The following C4BPA variants were observed in gnomAD, a reference collection of about 807,000 sequenced individuals.
C4BPA encodes C4b-binding protein alpha chain.
A neutral mutation model predicts 63.7 loss-of-function variants in C4BPA; 31 were observed. The ratio of observed to expected loss-of-function variants is 0.49; its 90% confidence interval spans 0.37 to 0.66. C4BPA has a LOEUF of 0.66. Ranked by LOEUF, C4BPA falls within the 30% of genes least tolerant of loss-of-function variation. The probability of loss-of-function intolerance (pLI) is 0.00; values close to 1 mark genes in which losing one functional copy is unlikely to be tolerated. For synonymous variants in C4BPA, 259 were observed against 254.7 expected, an observed-to-expected ratio of 1.02 and a Z score of -0.16; for missense variants, 572 against 723.3, an observed-to-expected ratio of 0.79 and a Z score of 2.40.
rs371899975 is a variant in C4BPA, at chr1:207,135,182, C to T, written c.1273+590C>T. On this transcript the variant is annotated intron_variant, in intron 9 of 11. Coordinates refer to ENST00000367070, the MANE Select transcript of C4BPA (RefSeq NM_000715.4). ...CGAAACCTGGTCTCTGTTAAAAATACAAAAAATTAGCCAGGCATGGTGGCG... is the reference window on the plus strand; with the variant it reads ...CGAAACCTGGTCTCTGTTAAAAATATAAAAAATTAGCCAGGCATGGTGGCG... 3.9e-4 allele frequency among the ~76,000 whole-genome samples: 60 copies of T among 152,026 alleles called. 1 individual carries two copies. In the South Asian group the frequency reaches 0.011, roughly 29 times the overall value.
chr1:207,110,526 A>C (rs1054323511), intron 1 of C4BPA, among the ~76,000 whole-genome samples: 2 of 152,208 alleles, frequency 1.3e-5, no homozygotes, highest in African/African-American at 4.8e-5. Flanking sequence ...ATGGTGGCTT[A>C]TGCCTGTAAT....
rs762140431 is a variant in C4BPA, at chr1:207,144,541, T to C, written c.1621-3T>C. ...AATCACACCCACCACTTATATCTTTTAGGAGACCCCCGAAGGCTGTGAACA... is the reference window on the plus strand; with the variant it reads ...AATCACACCCACCACTTATATCTTTCAGGAGACCCCCGAAGGCTGTGAACA... On this transcript the variant is annotated splice_polypyrimidine_tract_variant and splice_region_variant and intron_variant, in intron 11 of 11. Transcript: ENST00000367070. The C allele has an allele frequency of 6.2e-7, 1 of 1,600,366 alleles. No homozygotes were observed. Among genetic ancestry groups the C allele is most frequent in the Non-Finnish European group, 8.5e-7 (1 of 1,175,008 alleles).
chr1:207,126,959 C>A (rs887357261), intron 7 of C4BPA, 64 bp downstream of exon 7: 2 of 1,215,180 alleles, frequency 1.6e-6, no homozygotes, highest in East Asian at 2.4e-5. Flanking sequence ...ACTGTTAATA[C>A]GGGTATACTT....
chr1:207,121,953 T>C (rs9943077), intron 4 of C4BPA, among the ~76,000 whole-genome samples: 88,635 of 151,884 alleles, frequency 0.58, 27,194 homozygotes, highest in East Asian at 0.73. Context: ...GTTGCTTTCA[T>C]TCTCAACTTT....
intron 8 of C4BPA, 53 bp from the exon 9 acceptor site, chr1:207,134,351 A>T: frequency 7.5e-7 from 1 of 1,329,104 alleles, no homozygotes; most frequent in Non-Finnish European, 1.1e-6. Context: ...TTAGCCATAG[A>T]AGCTTCCTCA....
intron 1 of C4BPA, among the ~76,000 whole-genome samples, chr1:207,110,044 G>T (rs904629162): frequency 6.6e-6 from 1 of 152,170 alleles, no homozygotes; most frequent in East Asian, 1.9e-4. Context: ...TTCATGAGGC[G>T]CAGGCTAGGT....
chr1:207,127,082 T>C (rs778996866), intron 7 of C4BPA, 187 bp downstream of exon 7: 3 of 464,450 alleles, frequency 6.5e-6, no homozygotes. Flanking sequence ...TGCAAGGTCA[T>C]ATATTGTCAC....
At chr1:207,127,976 G>A (rs2495253) in intron 7 of C4BPA, among the ~76,000 whole-genome samples, 4,447 of 152,268 alleles carry the variant, frequency 0.029, 219 homozygotes, top group African/African-American at 0.1. Flanking sequence ...TGTGGAAGTC[G>A]AATATTGAAT....
At chr1:207,124,082 G>A (rs778440020) in intron 5 of C4BPA, 75 bp downstream of exon 5, 13 of 1,481,410 alleles carry the variant, frequency 8.8e-6, no homozygotes, top group Non-Finnish European at 8.5e-6. Context: ...CATCTTTACA[G>A]GTATGTGTAC....
At position 207,134,471 on chromosome 1, in the gene C4BPA, C is replaced by T. The variant is rs1263065815; in HGVS notation, c.1152C>T (p.Ala384=). ...EITQHRKSRP[A]NHCVYFYGDE... ...CTCAACACAGGAAAAGTCGTCCTGCCAATCACTGTGTTTATTTCTATGGAG... is the reference window on the plus strand; with the variant it reads ...CTCAACACAGGAAAAGTCGTCCTGCTAATCACTGTGTTTATTTCTATGGAG... The change falls in exon 9 of 12, where the codon GCC becomes GCT. Residue 384 remains alanine, a synonymous_variant. Transcript: ENST00000367070. 4.3e-6 allele frequency: 7 copies of T among 1,613,662 alleles called. No individual in the cohort carries two copies. Among genetic ancestry groups the T allele is most frequent in the Non-Finnish European group, 5.9e-6 (7 of 1,179,642 alleles).
chr1:207,117,970 C>T (rs1553256003), intron 4 of C4BPA, among the ~76,000 whole-genome samples: 1 of 152,038 alleles, frequency 6.6e-6, no homozygotes, highest in Non-Finnish European at 1.5e-5. Flanking sequence ...TCTTTTTTTC[C>T]TTGTTTCTTC....
intron 4 of C4BPA, among the ~76,000 whole-genome samples, chr1:207,123,526 G>T (rs1684963023): frequency 6.6e-6 from 1 of 152,174 alleles, no homozygotes; most frequent in South Asian, 2.1e-4. Flanking sequence ...TGATGTATGG[G>T]AATAAGACAC....
intron 6 of C4BPA, among the ~76,000 whole-genome samples, chr1:207,126,142 G>A (rs1685037788): frequency 6.6e-6 from 1 of 151,856 alleles, no homozygotes. Context: ...TTTATTGGTA[G>A]GGAAGTTGGA....
At chr1:207,109,156 A>G (rs947677791) in intron 1 of C4BPA, among the ~76,000 whole-genome samples, 2 of 152,224 alleles carry the variant, frequency 1.3e-5, no homozygotes, top group African/African-American at 2.4e-5. Flanking sequence ...TGCATGACAC[A>G]TTAGATCTCA....
chr1:207,108,931 C>G (rs908733434), intron 1 of C4BPA, among the ~76,000 whole-genome samples: 2 of 152,118 alleles, frequency 1.3e-5, no homozygotes, highest in Non-Finnish European at 2.9e-5. Flanking sequence ...CCATGTTAGT[C>G]AGGCCGGTCT....
intron 8 of C4BPA, among the ~76,000 whole-genome samples, chr1:207,133,238 T>C (rs1685199074): frequency 6.6e-6 from 1 of 152,230 alleles, no homozygotes; most frequent in Non-Finnish European, 1.5e-5. Flanking sequence ...CCAAACCATA[T>C]GATTGCTGAA....
chr1:207,113,212 A>G, intron 2 of C4BPA, 45 bp downstream of exon 2: 1 of 1,591,744 alleles, frequency 6.3e-7, no homozygotes, highest in Non-Finnish European at 8.5e-7. Context: ...AACAATGAAG[A>G]TCATCTGTGC....
intron 9 of C4BPA, among the ~76,000 whole-genome samples, chr1:207,140,685 A>G (rs934226671): frequency 2.6e-5 from 4 of 152,236 alleles, no homozygotes; most frequent in Admixed American, 1.3e-4. Flanking sequence ...GCATGGATGG[A>G]CAGTACTGAT....
At chr1:207,124,547 A>G (rs1684995389) in intron 6 of C4BPA, among the ~76,000 whole-genome samples, 181 bp downstream of exon 6, 1 of 152,206 alleles carries the variant, frequency 6.6e-6, no homozygotes, top group African/African-American at 2.4e-5. Flanking sequence ...TATAAAAGCC[A>G]TAAAAATGGG....
Sources: gnomAD v4.1 joint callset for allele counts (sites outside exome capture counted in the v4.1 genomes callset) on GRCh38, gnomAD v4.1.1 for gene constraint, MANE v1.5 for transcripts, NCBI Gene and HGNC (gene_info 2026-07-23, HGNC 2026-07-21) for gene names.